The following AKR1C8 variants were observed in gnomAD, a reference collection of about 807,000 sequenced individuals.
The protein encoded by AKR1C8 is aldo-keto reductase family 1 member C-like protein 1.
At chr10:5,160,635 C>T in the AKR1C8 span, among the ~76,000 whole-genome samples, 1 of 152,154 alleles carries the variant, frequency 6.6e-6, no homozygotes, top group African/African-American at 2.4e-5. Flanking sequence ...TTAAAATGAA[C>T]TGTAGAGGCC....
chr10:5,162,017 T>C, the AKR1C8 span: 1 of 515,074 alleles, frequency 1.9e-6, no homozygotes, highest in Non-Finnish European at 4.0e-6. Context: ...ATTTCACACA[T>C]TTGAGGACAA....
chr10:5,136,991 A>T, the AKR1C8 span, among the ~76,000 whole-genome samples: 1 of 152,184 alleles, frequency 6.6e-6, no homozygotes. Context: ...AATCACATAA[A>T]TTTTTAAATT....
At chr10:5,117,230 G>T in the AKR1C8 span, among the ~76,000 whole-genome samples, 1 of 151,784 alleles carries the variant, frequency 6.6e-6, no homozygotes, top group Non-Finnish European at 1.5e-5. Context: ...ACTTTTAAAT[G>T]TTAGTTTCCT....
At chr10:5,119,477 A>T in the AKR1C8 span, among the ~76,000 whole-genome samples, 1 of 152,220 alleles carries the variant, frequency 6.6e-6, no homozygotes, top group Admixed American at 6.6e-5. Flanking sequence ...ATGAAGAAAA[A>T]TACACCAAAT....
chr10:5,147,773 G>A, the AKR1C8 span, among the ~76,000 whole-genome samples: 6 of 152,202 alleles, frequency 3.9e-5, no homozygotes, highest in African/African-American at 1.4e-4. Flanking sequence ...TTCTATGCCT[G>A]TGAGACTTTT....
the AKR1C8 span, among the ~76,000 whole-genome samples, chr10:5,172,956 G>T: frequency 6.6e-6 from 1 of 152,066 alleles, no homozygotes; most frequent in South Asian, 2.1e-4. Flanking sequence ...TAAGAACAGG[G>T]CTAGGAAAAC....
chr10:5,161,063 G>A, the AKR1C8 span, among the ~76,000 whole-genome samples: 39 of 152,272 alleles, frequency 2.6e-4, no homozygotes, highest in African/African-American at 9.4e-4. Flanking sequence ...GTATATATAT[G>A]TGTGTGGGTA....
chr10:5,163,005 C>A, the AKR1C8 span: 1 of 534,174 alleles, frequency 1.9e-6, no homozygotes, highest in Middle Eastern at 3.2e-4. Context: ...GCCTCGGCAG[C>A]CTGGCTTTTG....
At chr10:5,118,741 A>G in the AKR1C8 span, among the ~76,000 whole-genome samples, 2 of 152,170 alleles carry the variant, frequency 1.3e-5, no homozygotes, top group African/African-American at 4.8e-5. Context: ...TCTCTTATTA[A>G]TCTGCCAATC....
chr10:5,149,067 G>GA, the AKR1C8 span, among the ~76,000 whole-genome samples: 7 of 152,122 alleles, frequency 4.6e-5, no homozygotes, highest in South Asian at 2.1e-4. Context: ...ATATATAGCT[G>GA]TTATATATAT....
the AKR1C8 span, among the ~76,000 whole-genome samples, chr10:5,178,030 T>A: frequency 6.6e-6 from 1 of 152,168 alleles, no homozygotes; most frequent in Non-Finnish European, 1.5e-5. Flanking sequence ...AGCTTTTGAA[T>A]GTGTTTGCTC....
At chr10:5,144,109 G>A in the AKR1C8 span, among the ~76,000 whole-genome samples, 46,524 of 151,604 alleles carry the variant, frequency 0.31, 7,702 homozygotes, top group Non-Finnish European at 0.36. Flanking sequence ...CAGTTTTCCC[G>A]GCACCATTTA....
the AKR1C8 span, among the ~76,000 whole-genome samples, chr10:5,124,938 A>C: frequency 6.6e-6 from 1 of 152,148 alleles, no homozygotes; most frequent in African/African-American, 2.4e-5. Flanking sequence ...CCTCGATGAC[A>C]TAAAGCATTC....
chr10:5,125,082 A>AC, the AKR1C8 span, among the ~76,000 whole-genome samples: 9,379 of 151,882 alleles, frequency 0.062, 349 homozygotes, highest in Middle Eastern at 0.082. Flanking sequence ...ATATTTATTT[A>AC]CCACTTATTT....
chr10:5,152,046 C>T, the AKR1C8 span, among the ~76,000 whole-genome samples: 2 of 152,188 alleles, frequency 1.3e-5, no homozygotes, highest in East Asian at 3.9e-4. Context: ...TTATTATTGT[C>T]ATCTATAATT....
chr10:5,149,739 T>C, the AKR1C8 span, among the ~76,000 whole-genome samples: 1 of 151,818 alleles, frequency 6.6e-6, no homozygotes, highest in Admixed American at 6.6e-5. Flanking sequence ...AGTTAAAGCT[T>C]TGATAAATTA....
chr10:5,182,754 C>CA, the AKR1C8 span, among the ~76,000 whole-genome samples: 1 of 151,646 alleles, frequency 6.6e-6, no homozygotes, highest in South Asian at 2.1e-4. Flanking sequence ...TACGAAAATA[C>CA]AAAAAATAAG....
chr10:5,161,521 C>T, the AKR1C8 span, among the ~76,000 whole-genome samples: 3 of 152,166 alleles, frequency 2.0e-5, no homozygotes, highest in African/African-American at 7.2e-5. Flanking sequence ...GGTAACTCAA[C>T]ATTCTTGAAG....
At chr10:5,157,393 A>C in the AKR1C8 span, among the ~76,000 whole-genome samples, 1 of 152,188 alleles carries the variant, frequency 6.6e-6, no homozygotes, top group African/African-American at 2.4e-5. Context: ...GGATGAAAAT[A>C]AGTGAGTTGA....
Sources: allele counts gnomAD v4.1 joint callset (sites outside exome capture counted in the v4.1 genomes callset), GRCh38; gene constraint gnomAD v4.1.1; transcripts MANE v1.5; gene names NCBI Gene and HGNC (gene_info 2026-07-23, HGNC 2026-07-21).